Variants in RBFOX1 observed in about 807,000 individuals in gnomAD.
RBFOX1 encodes the protein RNA binding fox-1 homolog 1.
Under a neutral mutation model 57.7 loss-of-function variants are expected in RBFOX1, and 8 were observed. The ratio of observed to expected loss-of-function variants is 0.14; its 90% CI spans 0.08 to 0.25. The LOEUF is 0.25. Among genes scored for constraint, RBFOX1 ranks in the 10% least tolerant of loss-of-function variants. RBFOX1 has a pLI of 1.00. For missense variants in RBFOX1, 611 were observed against 548.5 expected (o/e 1.11, Z -1.14); for synonymous variants, 326 against 222.4 (o/e 1.47, Z -4.15).
intron 1 of RBFOX1, among the ~76,000 whole-genome samples, chr16:6,228,624 A>G (rs1489596867): frequency 1.3e-5 from 2 of 152,218 alleles, no homozygotes; most frequent in African/African-American, 4.8e-5. Context: ...AGACTCATAG[A>G]AACAGAGTAA....
At chr16:6,343,332 C>A (rs770019761) in intron 2 of RBFOX1, among the ~76,000 whole-genome samples, 1 of 152,184 alleles carries the variant, frequency 6.6e-6, no homozygotes, top group Non-Finnish European at 1.5e-5. Flanking sequence ...ATGCCACCCA[C>A]TGCTCCTTCT....
intron 3 of RBFOX1, among the ~76,000 whole-genome samples, chr16:6,873,033 A>G (rs2061218525): frequency 2.0e-5 from 3 of 151,934 alleles, no homozygotes; most frequent in African/African-American, 4.8e-5. Context: ...AGTGTGTTCT[A>G]TATTCTCAGC....
At chr16:6,893,329 A>T (rs8044875) in intron 3 of RBFOX1, among the ~76,000 whole-genome samples, 1 of 152,076 alleles carries the variant, frequency 6.6e-6, no homozygotes, top group Non-Finnish European at 1.5e-5. Context: ...GATCAAACTC[A>T]TATAGGTCAT....
chr16:5,925,031 T>A (rs532452985), intron 4 of RBFOX1, among the ~76,000 whole-genome samples: 1 of 152,192 alleles, frequency 6.6e-6, no homozygotes, highest in East Asian at 1.9e-4. Flanking sequence ...ATCTGATGCC[T>A]TTTAGCACAG....
At chr16:5,846,159 G>C (rs906143201) in intron 3 of RBFOX1, among the ~76,000 whole-genome samples, 3 of 151,460 alleles carry the variant, frequency 2.0e-5, no homozygotes, top group Admixed American at 2.0e-4. Context: ...TCCAGCCTGG[G>C]CGACAGAGTG....
At chr16:5,364,784 T>C (rs993508903) in intron 1 of RBFOX1, among the ~76,000 whole-genome samples, 1 of 152,082 alleles carries the variant, frequency 6.6e-6, no homozygotes, top group Non-Finnish European at 1.5e-5. Flanking sequence ...AGGCAGGTGC[T>C]GCTTTAAAGA....
At chr16:7,505,171 A>G (rs1015310199) in intron 4 of RBFOX1, among the ~76,000 whole-genome samples, 2 of 150,040 alleles carry the variant, frequency 1.3e-5, no homozygotes, top group Non-Finnish European at 3.0e-5. Flanking sequence ...GCTTTTGTAC[A>G]TGTGTGTGTG....
intron 4 of RBFOX1, among the ~76,000 whole-genome samples, chr16:7,381,267 G>A (rs1474757747): frequency 6.6e-6 from 1 of 152,154 alleles, no homozygotes; most frequent in African/African-American, 2.4e-5. Flanking sequence ...TATGGGCCCT[G>A]ACTTTTCTTG....
chr16:7,125,232 G>C (rs1045835414), intron 4 of RBFOX1, among the ~76,000 whole-genome samples: 2 of 152,182 alleles, frequency 1.3e-5, no homozygotes, highest in Non-Finnish European at 2.9e-5. Flanking sequence ...CTGCCATTTA[G>C]CAGAGATAGA....
chr16:7,277,133 C>G (rs953290013), intron 4 of RBFOX1, among the ~76,000 whole-genome samples: 2 of 152,094 alleles, frequency 1.3e-5, no homozygotes, highest in Non-Finnish European at 2.9e-5. Context: ...CTGTTCTGTT[C>G]TCAGAAGAAA....
chr16:7,617,893 G>T (rs1409018654), intron 10 of RBFOX1, among the ~76,000 whole-genome samples: 1 of 152,142 alleles, frequency 6.6e-6, no homozygotes, highest in African/African-American at 2.4e-5. Context: ...TAAAGGGTAA[G>T]AGTTCACCTG....
intron 4 of RBFOX1, among the ~76,000 whole-genome samples, chr16:7,482,454 C>T (rs1006934462): frequency 2.7e-5 from 4 of 146,444 alleles, no homozygotes; most frequent in Non-Finnish European, 3.0e-5. Context: ...TCAGCCCCTC[C>T]TTCCATTTCA....
intron 3 of RBFOX1, among the ~76,000 whole-genome samples, chr16:6,983,357 G>T (rs766901788): frequency 2.0e-5 from 3 of 151,958 alleles, no homozygotes; most frequent in Non-Finnish European, 1.5e-5. Flanking sequence ...AGAATTATTG[G>T]TGGGGGGTGG....
chr16:6,450,376 G>A (rs76427200), intron 2 of RBFOX1, among the ~76,000 whole-genome samples: 9 of 152,042 alleles, frequency 5.9e-5, no homozygotes, highest in South Asian at 2.1e-4. Context: ...TAAAACCTCC[G>A]TTTGCTCCAG....
At chr16:6,461,235 C>T (rs574548769) in intron 2 of RBFOX1, among the ~76,000 whole-genome samples, 118 of 152,246 alleles carry the variant, frequency 7.8e-4, no homozygotes, top group African/African-American at 2.6e-3. Flanking sequence ...CCCACACATC[C>T]TGCACATGTA....
intron 3 of RBFOX1, among the ~76,000 whole-genome samples, chr16:6,687,002 G>A (rs199803261): frequency 1.4e-4 from 21 of 152,200 alleles, no homozygotes; most frequent in African/African-American, 4.6e-4. Flanking sequence ...ATAATATGTC[G>A]TCATGGAAAA....
At chr16:5,762,385 T>C (rs1318263218) in intron 3 of RBFOX1, among the ~76,000 whole-genome samples, 1 of 149,152 alleles carries the variant, frequency 6.7e-6, no homozygotes, top group African/African-American at 2.5e-5. Context: ...GAAAGAAAAC[T>C]CAAGTCAGTG....
intron 1 of RBFOX1, among the ~76,000 whole-genome samples, chr16:5,451,384 AG>A (rs2151566231): frequency 6.6e-6 from 1 of 152,332 alleles, no homozygotes; most frequent in East Asian, 1.9e-4. Flanking sequence ...ATCGATTCTC[AG>A]AACCTATTAA....
At chr16:6,451,395 A>G (rs79098025) in intron 2 of RBFOX1, among the ~76,000 whole-genome samples, 5 of 151,866 alleles carry the variant, frequency 3.3e-5, no homozygotes, top group Non-Finnish European at 5.9e-5. Flanking sequence ...TTGACTTTCA[A>G]CCCCAGGAGT....
Sources: allele counts gnomAD v4.1 joint callset (sites outside exome capture counted in the v4.1 genomes callset), GRCh38; gene constraint gnomAD v4.1.1; transcripts MANE v1.5; gene names NCBI Gene and HGNC (gene_info 2026-07-23, HGNC 2026-07-21).